The following NUP205 variants were observed in gnomAD, a reference collection of about 807,000 sequenced individuals.
NUP205 encodes nucleoporin 205.
In NUP205, 76 loss-of-function variants were observed where a neutral mutation model predicts 253.8. The observed-to-expected ratio is 0.30, with a 90% CI of 0.25 to 0.36. The LOEUF is 0.36. NUP205 is among the 10% of genes least tolerant of loss of function. The pLI is 1.00. For synonymous variants in NUP205, 832 were observed against 850.1 expected, an observed-to-expected ratio of 0.98 and a Z score of 0.37; for missense variants, 2,162 against 2,425.5, an observed-to-expected ratio of 0.89 and a Z score of 2.28.
At chr7:135,637,327 A>G (rs185177038) in intron 36 of NUP205, among the ~76,000 whole-genome samples, 2 of 152,338 alleles carry the variant, frequency 1.3e-5, no homozygotes, top group Non-Finnish European at 1.5e-5. Flanking sequence ...CCATCGGCTA[A>G]CCTCTGGATA....
chr7:135,584,889 A>G lies in NUP205; in HGVS notation c.1100A>G (p.Asn367Ser), dbSNP rs757428765. ...ATGGCAGAACTCGCAATTGCTGACA[A>G]CGTTTTCCTGTTCCTCATGGAATCT... ...EAMAELAIAD[N>S]VFLFLMESVV... is the part of the protein sequence containing the mutation. Residue 367 changes from asparagine to serine, a missense_variant, in exon 8 of 43, where the codon AAC (asparagine) becomes AGC (serine). Coordinates refer to ENST00000285968, the MANE Select transcript of NUP205 (RefSeq NM_015135.3). The G allele has an allele frequency of 1.4e-5, 23 of 1,613,974 alleles. No individual in the cohort carries two copies. The East Asian group carries it at 3.3e-4, about 23-fold the overall frequency.
At chr7:135,644,115 A>G (rs894687514) in intron 39 of NUP205, among the ~76,000 whole-genome samples, 2 of 152,180 alleles carry the variant, frequency 1.3e-5, no homozygotes, top group African/African-American at 2.4e-5. Context: ...TACATGTTCT[A>G]CCTAACACCC....
Position 135,637,334 on chromosome 7 carries a change from G to C in NUP205, c.5137-597G>C, listed in dbSNP as rs149026961. Among the ~76,000 whole-genome samples the C allele has an allele frequency of 6.7e-4, 102 of 152,272 alleles. 2 individuals carry two copies. In the East Asian group the frequency reaches 0.018, roughly 26 times the overall value. The stretch of plus-strand genomic sequence containing the variant: ...TTTGAAAGCCATCGGCTAACCTCTG[G>C]ATATACTGCCAATATTGAAAAGCTT... On this transcript the variant is annotated intron_variant, in intron 36 of 42. Coordinates refer to ENST00000285968, the MANE Select transcript of NUP205 (RefSeq NM_015135.3).
chr7:135,637,724 T>C (rs1397873619), intron 36 of NUP205, among the ~76,000 whole-genome samples: 2 of 152,206 alleles, frequency 1.3e-5, no homozygotes, highest in Admixed American at 6.5e-5. Flanking sequence ...AAAAGGGTAC[T>C]CTTTTCATCT....
intron 22 of NUP205, among the ~76,000 whole-genome samples, chr7:135,609,579 C>T (rs146446962): frequency 0.035 from 5,175 of 146,018 alleles, 117 homozygotes; most frequent in Middle Eastern, 0.1. Context: ...ACTTGGGAGG[C>T]GGAGCTTGCA....
chr7:135,612,890 C>G (rs1004464548), intron 22 of NUP205, among the ~76,000 whole-genome samples: 2 of 152,128 alleles, frequency 1.3e-5, no homozygotes, highest in African/African-American at 4.8e-5. Flanking sequence ...ATAAACATGT[C>G]TTAAAGTGCC....
rs918248468 is a variant in NUP205 at position 135,642,254 on chromosome 7, C to CAA, written c.5393-924_5393-923dup. On this transcript the variant is annotated intron_variant, in intron 38 of 42. Coordinates refer to ENST00000285968, the MANE Select transcript of NUP205 (RefSeq NM_015135.3). ...TGGATGACAGAGTAAGACTCCATCT[C>CAA]AAAAAAAAAAAAAAAGAAATTGCCA... is the stretch of plus-strand genomic sequence containing the variant. Among the ~76,000 whole-genome samples, 74 of 103,684 alleles carry CAA rather than the reference C, an allele frequency of 7.1e-4. No individual in the cohort carries two copies. In the Middle Eastern group the frequency reaches 0.019, roughly 26 times the overall value. 68.0% of individuals were successfully genotyped at this position (103,684 alleles called of 152,430 possible).
chr7:135,630,761 C>CA (rs765932406), intron 35 of NUP205, among the ~76,000 whole-genome samples: 6 of 151,942 alleles, frequency 3.9e-5, no homozygotes, highest in East Asian at 1.9e-4. Flanking sequence ...CTGTCTCTAC[C>CA]AAAAAATTTT....
intron 16 of NUP205, 98 bp from the exon 17 acceptor site, chr7:135,601,272 T>A: frequency 1.8e-6 from 2 of 1,110,694 alleles, no homozygotes; most frequent in Non-Finnish European, 2.6e-6. Context: ...TCTATCTAGA[T>A]GCCATCTAAT....
intron 15 of NUP205, chr7:135,598,879 T>C (rs1291905744): frequency 6.6e-6 from 1 of 152,378 alleles, no homozygotes; most frequent in Non-Finnish European, 1.5e-5. Context: ...AGATCCAAGC[T>C]CATAGCCACT....
chr7:135,607,212 A>T, intron 21 of NUP205, 35 bp from the exon 22 acceptor site: 1 of 1,598,264 alleles, frequency 6.3e-7, no homozygotes. Context: ...AGCAATTCTA[A>T]AAGAAAAGTT....
intron 22 of NUP205, 28 bp downstream of exon 22, chr7:135,607,399 C>T (rs1352419870): frequency 1.2e-6 from 2 of 1,608,612 alleles, no homozygotes; most frequent in East Asian, 2.2e-5. Context: ...TTTTGTGGTA[C>T]TGAATAGAAG....
intron 10 of NUP205, among the ~76,000 whole-genome samples, chr7:135,589,248 T>C (rs1275061500): frequency 6.7e-6 from 1 of 148,832 alleles, no homozygotes; most frequent in Non-Finnish European, 1.5e-5. Flanking sequence ...TTTTATGCAA[T>C]GTGTGTGTGT....
Position 135,577,045 on chromosome 7 carries a change from C to G in NUP205, c.565C>G (p.Leu189Val). The change falls in exon 5 of 43, where the codon CTG becomes GTG. Residue 189 changes from leucine to valine, a missense_variant. Physicochemically the swap from Leu to Val is conservative, Grantham distance 32. Coordinates refer to ENST00000285968, the MANE Select transcript of NUP205 (RefSeq NM_015135.3). ...EQGLTYKVLT[L>V]VSQIDVNNEF... Reference sequence around the variant, plus strand: ...AGGATTGACTTATAAAGTTCTTACGCTGGTGTCACAGATTGATGTGAATAA... The same window carrying G: ...AGGATTGACTTATAAAGTTCTTACGGTGGTGTCACAGATTGATGTGAATAA... 6.2e-7 allele frequency: 1 copy of G among 1,614,018 alleles called. No homozygotes were observed.
At chr7:135,622,751 G>GT (rs1214106976) in intron 30 of NUP205, 26 bp from the exon 31 acceptor site, 20 of 1,608,480 alleles carry the variant, frequency 1.2e-5, no homozygotes, top group South Asian at 2.2e-5. Context: ...TTACTGGAGT[G>GT]TTTTTTTCTG....
intron 39 of NUP205, among the ~76,000 whole-genome samples, chr7:135,643,624 C>G (rs1794954410): frequency 6.6e-6 from 1 of 152,052 alleles, no homozygotes; most frequent in African/African-American, 2.4e-5. Flanking sequence ...GTCATTTATA[C>G]TCTAAAATCT....
chr7:135,604,277 T>C (rs528895199), intron 18 of NUP205, 63 bp from the exon 19 acceptor site: 1 of 1,463,632 alleles, frequency 6.8e-7, no homozygotes, highest in East Asian at 2.3e-5. Context: ...ATTTTCTTTA[T>C]TGAGAATAGT....
At position 135,640,312 on chromosome 7, in the gene NUP205, T is replaced by C. The variant is rs536486270; in HGVS notation, c.5392+1629T>C. ...GAACTTTGTTAGATAAATTCTATTATAAAAGGTCCTAGCTAGTAGTATTAA... is the reference window on the plus strand; with the variant it reads ...GAACTTTGTTAGATAAATTCTATTACAAAAGGTCCTAGCTAGTAGTATTAA... On this transcript the variant is annotated intron_variant, in intron 38 of 42. Transcript: ENST00000285968. Among the ~76,000 whole-genome samples the C allele has an allele frequency of 2.0e-5, 3 of 152,370 alleles. No individual in the cohort carries two copies. The South Asian group carries it at 6.2e-4, about 32-fold the overall frequency.
chr7:135,612,119 C>CA (rs1414220053), intron 22 of NUP205, among the ~76,000 whole-genome samples: 12 of 150,002 alleles, frequency 8.0e-5, no homozygotes, highest in East Asian at 7.8e-4. Context: ...AACTGCATCT[C>CA]AAAAAAAACA....
Sources: allele counts gnomAD v4.1 joint callset (sites outside exome capture counted in the v4.1 genomes callset), GRCh38; gene constraint gnomAD v4.1.1; transcripts MANE v1.5; gene names NCBI Gene and HGNC (gene_info 2026-07-23, HGNC 2026-07-21).